Variants in CLRN1 observed in about 807,000 individuals in gnomAD.
CLRN1 encodes clarin 1.
Under a neutral mutation model 18.7 loss-of-function variants are expected in CLRN1, and 15 were observed. The observed-to-expected ratio is 0.80, with a 90% confidence interval of 0.54 to 1.23. The LOEUF (loss-of-function observed/expected upper bound fraction) is 1.23. CLRN1 is among the 50% of genes most tolerant of loss of function. The probability of loss-of-function intolerance (pLI) is 0.00; values close to 1 mark genes in which losing one functional copy is unlikely to be tolerated. For missense variants in CLRN1, 311 were observed against 277.5 expected, an observed-to-expected ratio of 1.12 and a Z score of -0.86; for synonymous variants, 104 against 102.9, an observed-to-expected ratio of 1.01 and a Z score of -0.07.
At chr3:150,960,050 G>A (rs537626519) in intron 1 of CLRN1, among the ~76,000 whole-genome samples, 1 of 152,244 alleles carries the variant, frequency 6.6e-6, no homozygotes, top group South Asian at 2.1e-4. Context: ...GCAGCATGGC[G>A]GGTTGGGCAG....
At chr3:150,963,533 T>C (rs370267947) in intron 1 of CLRN1, among the ~76,000 whole-genome samples, 4 of 152,180 alleles carry the variant, frequency 2.6e-5, no homozygotes, top group African/African-American at 4.8e-5. Flanking sequence ...CAAGCTACCA[T>C]TGACTTTCTT....
upstream of CLRN1, chr3:150,972,794 A>G: frequency 6.3e-7 from 1 of 1,586,708 alleles, no homozygotes; most frequent in South Asian, 1.1e-5. Context: ...GACTGCATTT[A>G]TTACGGAAGC....
chr3:150,927,567 A>T lies in CLRN1; in HGVS notation c.*369T>A, dbSNP rs1168159120. On this transcript the variant is annotated 3_prime_UTR_variant, in exon 3 of 3. Coordinates refer to ENST00000327047, the MANE Select transcript of CLRN1 (RefSeq NM_174878.3). ...ACAAATGTGTGGATATATTAGAGAT[A>T]TTATTTGTTTTTATTAAAATATATT... 3 of 460,302 alleles carry T rather than the reference A, an allele frequency of 6.5e-6. No individual in the cohort carries two copies. The highest frequency in any genetic ancestry group is 2.0e-5 in the African/African-American group (1 of 50,224). 28.5% of individuals were successfully genotyped at this position (460,302 alleles called of 1,614,324 possible).
rs745559204 is a variant in CLRN1, at chr3:150,927,890, CCAAAG to C, written c.*41_*45del. ...CAAAATTAACCACATCTAAAAGTGACCAAAGCAAGTCTACTCCCTTGTAAAATTAT... is the reference window on the plus strand; with the variant it reads ...CAAAATTAACCACATCTAAAAGTGACCAAGTCTACTCCCTTGTAAAATTAT... On this transcript the variant is annotated 3_prime_UTR_variant, in exon 3 of 3. Coordinates refer to ENST00000327047, the MANE Select transcript of CLRN1 (RefSeq NM_174878.3). 1.9e-6 allele frequency: 3 copies of C among 1,611,508 alleles called. No individual in the cohort carries two copies. The highest frequency in any genetic ancestry group is 2.5e-6 in the Non-Finnish European group (3 of 1,178,338).
intron 1 of CLRN1, among the ~76,000 whole-genome samples, chr3:150,956,114 G>A (rs1021584358): frequency 3.8e-4 from 58 of 152,052 alleles, no homozygotes; most frequent in African/African-American, 1.2e-3. Context: ...CTGTTAGTTC[G>A]TCTTCTATTG....
intron 2 of CLRN1, among the ~76,000 whole-genome samples, chr3:150,936,422 C>T (rs1034334846): frequency 3.9e-5 from 6 of 152,182 alleles, no homozygotes; most frequent in Non-Finnish European, 5.9e-5. Context: ...CCAAATGGAA[C>T]ACATGATTTT....
intron 1 of CLRN1, chr3:150,943,782 C>T: frequency 6.2e-7 from 1 of 1,613,736 alleles, no homozygotes; most frequent in Non-Finnish European, 8.5e-7. Flanking sequence ...AGCATTGTAA[C>T]ACACCCTCTG....
intron 1 of CLRN1, among the ~76,000 whole-genome samples, chr3:150,958,597 G>A (rs986757786): frequency 6.6e-6 from 1 of 152,188 alleles, no homozygotes; most frequent in Non-Finnish European, 1.5e-5. Flanking sequence ...TCATGCATTT[G>A]CTTATGCTGT....
intron 1 of CLRN1, among the ~76,000 whole-genome samples, chr3:150,968,221 C>A (rs1262846313): frequency 6.6e-6 from 1 of 152,052 alleles, no homozygotes; most frequent in Non-Finnish European, 1.5e-5. Flanking sequence ...TGCAATGTTT[C>A]AAATTACCGA....
chr3:150,962,439 T>C (rs1185496790), intron 1 of CLRN1, among the ~76,000 whole-genome samples: 1 of 152,250 alleles, frequency 6.6e-6, no homozygotes. Context: ...ATTTGAGAGA[T>C]AAAAATGGAC....
At position 150,972,488 on chromosome 3, in the gene CLRN1, C is replaced by T. The variant is rs1484564291; in HGVS notation, c.221G>A (p.Cys74Tyr). 12 of 1,614,204 alleles carry T rather than the reference C, an allele frequency of 7.4e-6. No homozygotes were observed. The highest frequency in any genetic ancestry group is 1.3e-5 in the African/African-American group (1 of 75,042). Reference sequence around the variant, plus strand: ...CCGAAAGGGCCTTGCTCCCAACCCACACTGCCTCACACCCTCTCCGTGGAA... The same window carrying T: ...CCGAAAGGGCCTTGCTCCCAACCCATACTGCCTCACACCCTCTCCGTGGAA... Reference protein sequence around the residue: ...GLFHGEGVRQCGLGARPFRFS... With the variant: ...GLFHGEGVRQYGLGARPFRFS... The change falls in exon 1 of 3, where the codon TGT becomes TAT. Residue 74 changes from cysteine to tyrosine, a missense_variant. Cys to Tyr is a radical substitution (Grantham distance 194, BLOSUM62 -2). Coordinates refer to ENST00000327047, the MANE Select transcript of CLRN1 (RefSeq NM_174878.3).
chr3:150,962,235 AC>A (rs561657664), intron 1 of CLRN1, among the ~76,000 whole-genome samples: 74 of 152,248 alleles, frequency 4.9e-4, no homozygotes, highest in African/African-American at 1.7e-3. Context: ...CGAAATATGA[AC>A]CCTGCATAAA....
rs1158280452 is a variant in CLRN1, at chr3:150,972,691, C to A, written c.18G>T (p.Lys6Asn). Residue 6 changes from lysine (K) to asparagine (N), a missense_variant, in exon 1 of 3, where the codon AAG (lysine) becomes AAT (asparagine). Physicochemically the swap from Lys to Asn is moderately conservative, Grantham distance 94. Transcript: ENST00000327047. ...CTCCGGCCATGCAAAAAATGATTTT[C>A]TTCTGTTGGCTTGGCATGATGAGAA... MPSQQ[K>N]KIIFCMAGVF... 1.2e-6 allele frequency: 2 copies of A among 1,614,186 alleles called. No individual in the cohort carries two copies. Among genetic ancestry groups the A allele is most frequent in the Non-Finnish European group, 1.7e-6 (2 of 1,180,042 alleles).
intron 1 of CLRN1, among the ~76,000 whole-genome samples, chr3:150,965,322 A>T (rs2107986554): frequency 6.6e-6 from 1 of 152,332 alleles, no homozygotes; most frequent in South Asian, 2.1e-4. Flanking sequence ...GATAATACAT[A>T]CAAAATGCCT....
intron 1 of CLRN1, among the ~76,000 whole-genome samples, chr3:150,963,567 T>G (rs1049599522): frequency 6.6e-6 from 1 of 152,192 alleles, no homozygotes; most frequent in African/African-American, 2.4e-5. Context: ...AAAACTACTT[T>G]AAATTTCATA....
intron 1 of CLRN1, among the ~76,000 whole-genome samples, chr3:150,966,884 G>A (rs1015945568): frequency 6.6e-6 from 1 of 152,182 alleles, no homozygotes; most frequent in Non-Finnish European, 1.5e-5. Flanking sequence ...CAACTGTAAA[G>A]CTGGAAGGAA....
In CLRN1 at chr3:150,927,709, A is replaced by T; in HGVS notation, c.*227T>A. ...TGTCGATTCTAGTCAACTGCCTTTGACTACCTGGGTCAAGCAATTTCCCAC... is the reference window on the plus strand; with the variant it reads ...TGTCGATTCTAGTCAACTGCCTTTGTCTACCTGGGTCAAGCAATTTCCCAC... On this transcript the variant is annotated 3_prime_UTR_variant, in exon 3 of 3. Transcript: ENST00000327047. The T allele has an allele frequency of 1.5e-6, 1 of 671,558 alleles. No homozygotes were observed. Among genetic ancestry groups the T allele is most frequent in the Non-Finnish European group, 2.7e-6 (1 of 369,652 alleles). The allele number at this position is 671,558 out of a possible 1,614,324, so 41.6% of individuals were successfully genotyped here.
intron 1 of CLRN1, among the ~76,000 whole-genome samples, chr3:150,959,458 G>A (rs578185285): frequency 3.3e-5 from 5 of 151,962 alleles, no homozygotes; most frequent in South Asian, 2.1e-4. Flanking sequence ...GTGAAACCCC[G>A]TCTCTACTAA....
chr3:150,967,415 CA>C (rs1715316396), intron 1 of CLRN1, among the ~76,000 whole-genome samples: 1 of 151,880 alleles, frequency 6.6e-6, no homozygotes, highest in Non-Finnish European at 1.5e-5. Context: ...GGGAGGTAAA[CA>C]AAACCTCTAT....
Sources: allele counts gnomAD v4.1 joint callset (sites outside exome capture counted in the v4.1 genomes callset), GRCh38; gene constraint gnomAD v4.1.1; transcripts MANE v1.5; gene names NCBI Gene and HGNC (gene_info 2026-07-23, HGNC 2026-07-21).